The following ACTN2 variants were observed in gnomAD, a reference collection of about 807,000 sequenced individuals.
ACTN2 encodes the protein actinin alpha 2.
A neutral mutation model predicts 113.8 loss-of-function variants in ACTN2; 39 were observed. The observed-to-expected ratio is 0.34, with a 90% CI of 0.27 to 0.45. The LOEUF (loss-of-function observed/expected upper bound fraction) is 0.45, where lower values mean the gene tolerates loss of function less well. Ranked by LOEUF, ACTN2 falls within the 20% of genes least tolerant of loss-of-function variation. The pLI is 1.00. For synonymous variants in ACTN2, 429 were observed against 444.1 expected, an observed-to-expected ratio of 0.97 and a Z score of 0.43; for missense variants, 992 against 1,177.9, an observed-to-expected ratio of 0.84 and a Z score of 2.31.
intron 1 of ACTN2, among the ~76,000 whole-genome samples, chr1:236,716,371 G>A (rs897892688): frequency 1.3e-5 from 2 of 152,178 alleles, no homozygotes; most frequent in South Asian, 2.1e-4. Context: ...TGGGATGAGG[G>A]GACATTTTGC....
At chr1:236,701,829 CA>C (rs2102870895) in intron 1 of ACTN2, among the ~76,000 whole-genome samples, 1 of 152,274 alleles carries the variant, frequency 6.6e-6, no homozygotes, top group Admixed American at 6.5e-5. Context: ...GAAATGGTGA[CA>C]AATGTATTTA....
At position 236,727,711 on chromosome 1, in the gene ACTN2, C is replaced by G. The variant is rs762515240; in HGVS notation, c.570C>G (p.Ile190Met). Residue 190 changes from isoleucine (I) to methionine (M), a missense_variant, in exon 6 of 21, where the codon ATC becomes ATG. Ile to Met is a conservative substitution (Grantham distance 10). Around this residue, in one of 3 missense-constraint regions of ACTN2, gnomAD observed 220 missense variants for 337.5 expected, o/e 0.65. Coordinates refer to ENST00000366578, the MANE Select transcript of ACTN2 (RefSeq NM_001103.4). Reference protein sequence around the residue: ...WKDGLGLCALIHRHRPDLIDY... With the variant: ...WKDGLGLCALMHRHRPDLIDY... ...ATGGCCTTGGACTCTGTGCCCTCAT[C>G]CACCGACACCGGCCTGACCTCATTG... 1 of 1,614,172 alleles carries G rather than the reference C, an allele frequency of 6.2e-7. No homozygotes were observed. The highest frequency in any genetic ancestry group is 2.2e-5 in the East Asian group (1 of 44,880).
intron 10 of ACTN2, among the ~76,000 whole-genome samples, chr1:236,740,383 G>A (rs969157474): frequency 1.3e-5 from 2 of 151,852 alleles, no homozygotes; most frequent in Admixed American, 1.3e-4. Flanking sequence ...CAAAGTGCTG[G>A]GATGACAGGC....
intron 1 of ACTN2, among the ~76,000 whole-genome samples, chr1:236,688,717 C>T (rs1055064998): frequency 6.6e-6 from 1 of 152,168 alleles, no homozygotes; most frequent in African/African-American, 2.4e-5. Flanking sequence ...AGAAGATTCT[C>T]TATTTCTACT....
intron 20 of ACTN2, 65 bp from the exon 21 acceptor site, chr1:236,762,396 A>G: frequency 7.5e-6 from 12 of 1,591,232 alleles, no homozygotes; most frequent in Non-Finnish European, 8.6e-6. Flanking sequence ...ATATGTAAGT[A>G]TTAAGACTGT....
At position 236,732,951 on chromosome 1, in the gene ACTN2, A is replaced by G. The variant is rs1658754896; in HGVS notation, c.697+1637A>G. On this transcript the variant is annotated intron_variant, in intron 7 of 20. Transcript: ENST00000366578. ...ACAGCAATCTTTCAATTAGAACTCT[A>G]ATTTTGCTCATTAATTAATCATTTT... Among the ~76,000 whole-genome samples, 3 of 152,226 alleles carry G rather than the reference A, an allele frequency of 2.0e-5. No homozygotes were observed. In the South Asian group the frequency reaches 6.2e-4, roughly 32 times the overall value.
In ACTN2 at chr1:236,754,414, A is replaced by G. The variant is rs974016345; in HGVS notation, c.1974+333A>G. Among the ~76,000 whole-genome samples, 2 of 152,192 alleles carry G rather than the reference A, an allele frequency of 1.3e-5. No individual in the cohort carries two copies. Among genetic ancestry groups the G allele is most frequent in the African/African-American group, 4.8e-5 (2 of 41,446 alleles). Reference sequence around the variant, plus strand: ...GGATTTCAAACCATCTATCCCTACAAGGAGGACACGTGAAGGCCCACAAAT... The same window carrying G: ...GGATTTCAAACCATCTATCCCTACAGGGAGGACACGTGAAGGCCCACAAAT... On this transcript the variant is annotated intron_variant, in intron 16 of 20. Coordinates refer to ENST00000366578, the MANE Select transcript of ACTN2 (RefSeq NM_001103.4). The surrounding 1 kb of genome is among the most constrained non-coding windows in gnomAD (Gnocchi z 4.9).
intron 7 of ACTN2, 56 bp from the exon 8 acceptor site, chr1:236,735,579 G>A: frequency 4.2e-6 from 6 of 1,436,466 alleles, no homozygotes; most frequent in Non-Finnish European, 5.9e-6. Flanking sequence ...TCCTTCGTCT[G>A]TATGTGTGTG....
chr1:236,759,763 T>C lies in ACTN2; in HGVS notation c.2341T>C (p.Cys781Arg). The C allele has an allele frequency of 6.2e-7, 1 of 1,614,142 alleles. No individual in the cohort carries two copies. The highest frequency in any genetic ancestry group is 1.3e-5 in the African/African-American group (1 of 75,060). Residue 781 changes from cysteine to arginine, a missense_variant, in exon 19 of 21, where the codon TGC becomes CGC. Physicochemically the swap from Cys to Arg is radical, Grantham distance 180. This residue lies in a region of ACTN2 where 736 missense variants were observed against 815.4 expected (regional missense o/e 0.90). Transcript: ENST00000366578. ...GLMDHEDFRA[C>R]LISMGYDLGE... ...GATGGATCATGAGGATTTCAGAGCC[T>C]GCCTGATTTCCATGGGTTATGACCT... is the stretch of plus-strand genomic sequence containing the variant.
At chr1:236,742,088 T>C (rs1255678259) in intron 10 of ACTN2, among the ~76,000 whole-genome samples, 1 of 152,164 alleles carries the variant, frequency 6.6e-6, no homozygotes, top group Non-Finnish European at 1.5e-5. Flanking sequence ...CATTGAGGAC[T>C]CAGCTCAAAT....
In ACTN2 at chr1:236,719,031, T is replaced by C. The variant is rs374362248; in HGVS notation, c.361+18T>C. ...CGCTGAAGGTGAGAGGTGTGGTGGG[T>C]GGTCCTGTCTGCCACACTGACCTAA... On this transcript the variant is annotated intron_variant, in intron 3 of 20. Coordinates refer to ENST00000366578, the MANE Select transcript of ACTN2 (RefSeq NM_001103.4). 11 of 1,613,378 alleles carry C rather than the reference T, an allele frequency of 6.8e-6. No homozygotes were observed. Among genetic ancestry groups the C allele is most frequent in the Non-Finnish European group, 9.3e-6 (11 of 1,179,814 alleles).
At chr1:236,740,435 C>A (rs909790623) in intron 10 of ACTN2, among the ~76,000 whole-genome samples, 2 of 152,024 alleles carry the variant, frequency 1.3e-5, no homozygotes, top group Non-Finnish European at 1.5e-5. Context: ...ACTTCTCTTA[C>A]CCTTCAACTT....
In ACTN2 at chr1:236,686,736, C is replaced by T; in HGVS notation, c.63C>T (p.Ile21=). ...TGTACGACGAGGATGAGTACATGATCCAGGAGGAGGAGTGGGACCGCGACC... is the reference window on the plus strand; with the variant it reads ...TGTACGACGAGGATGAGTACATGATTCAGGAGGAGGAGTGGGACCGCGACC... ...NYVYDEDEYM[I]QEEEWDRDLL... The change falls in exon 1 of 21, where the codon ATC becomes ATT. Residue 21 remains isoleucine (I), a synonymous_variant. Coordinates refer to ENST00000366578, the MANE Select transcript of ACTN2 (RefSeq NM_001103.4). 4 of 1,560,618 alleles carry T rather than the reference C, an allele frequency of 2.6e-6. No individual in the cohort carries two copies. Among genetic ancestry groups the T allele is most frequent in the Non-Finnish European group, 2.6e-6 (3 of 1,153,192 alleles).
intron 8 of ACTN2, chr1:236,736,878 C>T (rs1050674800): frequency 1.7e-6 from 1 of 603,420 alleles, no homozygotes; most frequent in African/African-American, 1.8e-5. Context: ...AATGCTCTCT[C>T]CCCGTTATTC....
rs547172482 is a variant in ACTN2, at chr1:236,762,995, C to A, written c.*376C>A. On this transcript the variant is annotated 3_prime_UTR_variant, in exon 21 of 21. Transcript: ENST00000366578. ...AAGATTTAAGACCGGGGGGAAAAAA[C>A]CACAAATTGGTAAATAAAGGTTTGC... is the stretch of plus-strand genomic sequence containing the variant. The A allele has an allele frequency of 2.2e-5, 7 of 319,838 alleles. No individual in the cohort carries two copies. Among genetic ancestry groups the A allele is most frequent in the Non-Finnish European group, 4.2e-5 (7 of 165,478 alleles). The allele number at this position is 319,838 out of a possible 1,614,324, so 19.8% of individuals were successfully genotyped here.
rs1410528087 is a variant in ACTN2 at position 236,754,233 on chromosome 1, C to G, written c.1974+152C>G. ...TTATCACCCCGGCTTTATCTTTCAG[C>G]CCCTGGCTGTTGGGGACAGTGTGCA... On this transcript the variant is annotated intron_variant, in intron 16 of 20. Transcript: ENST00000366578. This position sits in a 1 kb window ranked among gnomAD's most constrained non-coding sequence, Gnocchi z 4.9. 3 of 1,100,992 alleles carry G rather than the reference C, an allele frequency of 2.7e-6. No homozygotes were observed. Among genetic ancestry groups the G allele is most frequent in the Non-Finnish European group, 2.7e-6 (2 of 753,262 alleles). 68.2% of individuals were successfully genotyped at this position (1,100,992 alleles called of 1,614,324 possible). A position where few individuals can be genotyped will look rare whatever the true frequency, so the allele number is the denominator to read the frequency against.
Position 236,749,156 on chromosome 1 carries a change from G to C in ACTN2, c.1548G>C (p.Gln516His). The change falls in exon 14 of 21, where the codon CAG becomes CAC. Residue 516 changes from glutamine to histidine, a missense_variant. Around this residue, in one of 3 missense-constraint regions of ACTN2, gnomAD observed 736 missense variants for 815.4 expected, o/e 0.90. Coordinates refer to ENST00000366578, the MANE Select transcript of ACTN2 (RefSeq NM_001103.4). ...AGAAATTGCTAGAAACCATTGATCA[G>C]CTTCACCTGGAGTTTGCCAAGAGGG... is the stretch of plus-strand genomic sequence containing the variant. Reference protein sequence around the residue: ...RMEKLLETIDQLHLEFAKRAA... With the variant: ...RMEKLLETIDHLHLEFAKRAA... The C allele has an allele frequency of 1.2e-6, 2 of 1,614,152 alleles. No individual in the cohort carries two copies. Among genetic ancestry groups the C allele is most frequent in the Non-Finnish European group, 1.7e-6 (2 of 1,180,026 alleles).
intron 4 of ACTN2, among the ~76,000 whole-genome samples, chr1:236,724,904 C>A (rs963125567): frequency 6.7e-6 from 1 of 150,248 alleles, no homozygotes; most frequent in African/African-American, 2.5e-5. Context: ...CCAATAAAAC[C>A]CTTTAAGTGT....
At chr1:236,721,502 T>C (rs1366751503) in intron 4 of ACTN2, among the ~76,000 whole-genome samples, 1 of 152,146 alleles carries the variant, frequency 6.6e-6, no homozygotes, top group African/African-American at 2.4e-5. Context: ...TAAAATCTAA[T>C]GGCATTAAAA....
Sources: allele counts gnomAD v4.1 joint callset (sites outside exome capture counted in the v4.1 genomes callset), GRCh38; gene constraint gnomAD v4.1.1; regional missense constraint gnomAD v4.1.1; non-coding constraint Gnocchi (gnomAD v3.1); transcripts MANE v1.5; gene names NCBI Gene and HGNC (gene_info 2026-07-23, HGNC 2026-07-21).